E2F3: variants seen among roughly 807,000 people sequenced by gnomAD.
The protein encoded by E2F3 is E2F transcription factor 3.
Under a neutral mutation model 44.4 loss-of-function variants are expected in E2F3, and 11 were observed. The ratio of observed to expected loss-of-function variants is 0.25; its 90% CI spans 0.16 to 0.41. The LOEUF is 0.41. Ranked by LOEUF, E2F3 falls within the 10% of genes least tolerant of loss-of-function variation. The pLI is 1.00. For synonymous variants in E2F3, 249 were observed against 253.0 expected (o/e 0.98, Z 0.15); for missense variants, 487 against 583.6 (o/e 0.83, Z 1.70).
chr6:20,404,804 T>G (rs1759440057), intron 1 of E2F3, among the ~76,000 whole-genome samples: 2 of 152,210 alleles, frequency 1.3e-5, no homozygotes, highest in South Asian at 4.1e-4. Context: ...TCCGGTGTGC[T>G]GGGTTTTCAG....
At chr6:20,437,513 A>C (rs952922082) in intron 1 of E2F3, among the ~76,000 whole-genome samples, 11 of 152,274 alleles carry the variant, frequency 7.2e-5, no homozygotes, top group Middle Eastern at 3.4e-3. Flanking sequence ...TTTTCTAAAA[A>C]TGTAGTGTTA....
chr6:20,434,248 C>T (rs939804623), intron 1 of E2F3, among the ~76,000 whole-genome samples: 4 of 152,154 alleles, frequency 2.6e-5, no homozygotes, highest in East Asian at 1.9e-4. Flanking sequence ...AGCAAATCCA[C>T]GTTGTGGTAT....
intron 1 of E2F3, among the ~76,000 whole-genome samples, chr6:20,405,279 T>C (rs772991154): frequency 1.3e-5 from 2 of 152,090 alleles, no homozygotes; most frequent in African/African-American, 2.4e-5. Flanking sequence ...TAAATGTTAC[T>C]CATATACATA....
intron 5 of E2F3, 66 bp downstream of exon 5, chr6:20,486,869 A>T: frequency 9.7e-7 from 1 of 1,029,002 alleles, no homozygotes; most frequent in Non-Finnish European, 1.5e-6. Flanking sequence ...TGAATGACTC[A>T]TTGACTCATA....
rs761717617 is a variant in E2F3 at position 20,402,610 on chromosome 6, C to A, written c.378C>A (p.Gly126=). 8.2e-6 allele frequency: 11 copies of A among 1,337,094 alleles called. No homozygotes were observed. The East Asian group carries it at 3.4e-4, about 42-fold the overall frequency. 82.8% of individuals were successfully genotyped at this position (1,337,094 alleles called of 1,614,324 possible). A position where few individuals can be genotyped will look rare whatever the true frequency, so the allele number is the denominator to read the frequency against. ...PPALGRGGSG[G]GGGPPAKRRL... is the part of the protein sequence containing the mutation. The stretch of plus-strand genomic sequence containing the variant: ...CGCTGGGACGCGGCGGCAGCGGCGG[C>A]GGCGGCGGCCCTCCGGTAATACCCT... Residue 126 remains glycine, a synonymous_variant, in exon 1 of 7, where the codon GGC becomes GGA. Coordinates refer to ENST00000346618, the MANE Select transcript of E2F3 (RefSeq NM_001949.5). The surrounding 1 kb of genome is among the most constrained non-coding windows in gnomAD (Gnocchi z 5.6).
chr6:20,473,918 G>A (rs953027569), intron 1 of E2F3, among the ~76,000 whole-genome samples: 2 of 152,158 alleles, frequency 1.3e-5, no homozygotes, highest in Non-Finnish European at 2.9e-5. Flanking sequence ...GATGGGAAGA[G>A]TCGTCCTAAT....
intron 1 of E2F3, among the ~76,000 whole-genome samples, chr6:20,423,930 G>A (rs377421575): frequency 2.6e-4 from 40 of 151,756 alleles, no homozygotes; most frequent in Non-Finnish European, 4.4e-4. Flanking sequence ...CACCATGCCC[G>A]GCTAATTTTT....
intron 1 of E2F3, among the ~76,000 whole-genome samples, chr6:20,423,935 A>AT (rs1249165313): frequency 6.6e-6 from 1 of 151,412 alleles, no homozygotes; most frequent in Non-Finnish European, 1.5e-5. Flanking sequence ...TGCCCGGCTA[A>AT]TTTTTTGTAT....
At position 20,404,336 on chromosome 6, in the gene E2F3, G is replaced by A. The variant is rs1004399606; in HGVS notation, c.393+1711G>A. 3.9e-5 allele frequency among the ~76,000 whole-genome samples: 6 copies of A among 152,140 alleles called. No homozygotes were observed. The South Asian group carries it at 1.0e-3, about 26-fold the overall frequency. The stretch of plus-strand genomic sequence containing the variant: ...TTGGTACTAGAAAGAAGTGTGGCCC[G>A]GAGGTCTCCCCTTTCTCCTTTTCTC... On this transcript the variant is annotated intron_variant, in intron 1 of 6. Transcript: ENST00000346618.
At chr6:20,448,064 C>T (rs1486821829) in intron 1 of E2F3, among the ~76,000 whole-genome samples, 1 of 152,184 alleles carries the variant, frequency 6.6e-6, no homozygotes, top group Non-Finnish European at 1.5e-5. Context: ...AGTTTCATTC[C>T]TGGGGATTGA....
intron 1 of E2F3, among the ~76,000 whole-genome samples, chr6:20,408,870 G>A (rs576476407): frequency 7.2e-5 from 11 of 152,330 alleles, no homozygotes; most frequent in Admixed American, 3.3e-4. Context: ...GAACTTGACA[G>A]TCCCTGAGAA....
Position 20,412,321 on chromosome 6 carries a change from C to T in E2F3, c.393+9696C>T, listed in dbSNP as rs73731187. On this transcript the variant is annotated intron_variant, in intron 1 of 6. Transcript: ENST00000346618. ...CTTTTTAAAAATACTGATACCTAGG[C>T]CCCACCCAGACCAATCAGAATGTCT... Among the ~76,000 whole-genome samples the T allele has an allele frequency of 8.4e-3, 1,272 of 152,068 alleles. 20 individuals are homozygous for T. The highest frequency in any genetic ancestry group is 0.029 in the African/African-American group (1,204 of 41,452).
chr6:20,409,875 G>A (rs1759613361), intron 1 of E2F3, among the ~76,000 whole-genome samples: 1 of 152,202 alleles, frequency 6.6e-6, no homozygotes, highest in Admixed American at 6.5e-5. Flanking sequence ...AACCAGAAAG[G>A]TGCCCAGTGT....
At chr6:20,462,492 C>CT (rs1554139383) in intron 1 of E2F3, among the ~76,000 whole-genome samples, 5 of 149,980 alleles carry the variant, frequency 3.3e-5, no homozygotes, top group Non-Finnish European at 7.4e-5. Context: ...GAGTCTCACT[C>CT]TGTCACCCAG....
At chr6:20,437,929 A>G (rs932955992) in intron 1 of E2F3, 6 of 152,228 alleles carry the variant, frequency 3.9e-5, no homozygotes, top group African/African-American at 1.4e-4. Flanking sequence ...GCGCTTGGTA[A>G]TAAGATTTAT....
intron 1 of E2F3, among the ~76,000 whole-genome samples, chr6:20,425,739 T>C (rs1760195716): frequency 6.6e-6 from 1 of 152,086 alleles, no homozygotes; most frequent in Non-Finnish European, 1.5e-5. Flanking sequence ...GTGTCTTAGC[T>C]CTCTAGTGGA....
At chr6:20,430,802 A>T (rs1312789286) in intron 1 of E2F3, among the ~76,000 whole-genome samples, 1 of 152,242 alleles carries the variant, frequency 6.6e-6, no homozygotes, top group African/African-American at 2.4e-5. Context: ...AAGCAGGCAG[A>T]TCACCTGAGG....
intron 1 of E2F3, chr6:20,403,866 G>T (rs1402269120): frequency 1.1e-5 from 15 of 1,314,766 alleles, no homozygotes; most frequent in Middle Eastern, 1.8e-4. Flanking sequence ...GGCCGCCGAC[G>T]CCGCGGGGGC....
chr6:20,492,514 T>A lies in E2F3; in HGVS notation c.*2084T>A, dbSNP rs1040798307. ...TATGGGAAACCATTTATGCCAAGCT[T>A]TTCCCCATTTCCCATATTTATCTCA... On this transcript the variant is annotated 3_prime_UTR_variant, in exon 7 of 7. Coordinates refer to ENST00000346618, the MANE Select transcript of E2F3 (RefSeq NM_001949.5). 8.6e-6 allele frequency: 2 copies of A among 233,294 alleles called. No individual in the cohort carries two copies. The highest frequency in any genetic ancestry group is 2.2e-5 in the African/African-American group (1 of 45,330). The allele number at this position is 233,294 out of a possible 1,614,324, so 14.5% of individuals were successfully genotyped here.
Sources: gnomAD v4.1 joint callset for allele counts (sites outside exome capture counted in the v4.1 genomes callset) on GRCh38, gnomAD v4.1.1 for gene constraint, Gnocchi (gnomAD v3.1) non-coding constraint, MANE v1.5 for transcripts, NCBI Gene and HGNC (gene_info 2026-07-23, HGNC 2026-07-21) for gene names.